INTS14: variants seen among roughly 807,000 people sequenced by gnomAD.
INTS14 encodes UPF0464 protein C15orf44.
INTS14 carries 27 observed loss-of-function variants against 56.9 expected under a neutral mutation model. That is an observed-to-expected ratio of 0.47 (90% CI 0.35 to 0.65). The LOEUF (loss-of-function observed/expected upper bound fraction) is 0.65. INTS14 is among the 30% of genes least tolerant of loss of function. The probability of loss-of-function intolerance (pLI) is 0.00; values close to 1 mark genes in which losing one functional copy is unlikely to be tolerated. For missense variants in INTS14, 517 were observed against 632.2 expected, an observed-to-expected ratio of 0.82 and a Z score of 1.95; for synonymous variants, 207 against 236.2, an observed-to-expected ratio of 0.88 and a Z score of 1.13.
intron 9 of INTS14, among the ~76,000 whole-genome samples, chr15:65,588,196 C>T (rs943490292): frequency 5.3e-5 from 8 of 151,578 alleles, no homozygotes; most frequent in African/African-American, 7.3e-5. Flanking sequence ...GGCTGAGGCA[C>T]GAGAATTGCT....
intron 2 of INTS14, 79 bp downstream of exon 2, chr15:65,607,080 A>C: frequency 6.6e-7 from 1 of 1,513,102 alleles, no homozygotes; most frequent in African/African-American, 1.4e-5. Flanking sequence ...AAAGTTCTAA[A>C]TATTCAACGC....
chr15:65,598,315 A>AG lies in INTS14; in HGVS notation c.748+5dup. 1 of 1,606,994 alleles carries AG rather than the reference A, an allele frequency of 6.2e-7. No individual in the cohort carries two copies. The highest frequency in any genetic ancestry group is 8.5e-7 in the Non-Finnish European group (1 of 1,177,974). On this transcript the variant is annotated splice_donor_region_variant and intron_variant, in intron 6 of 11. Coordinates refer to ENST00000313182, the MANE Select transcript of INTS14 (RefSeq NM_001394796.1). The stretch of plus-strand genomic sequence containing the variant: ...AACTAAGAAATAAGTTTTTTTAAAA[A>AG]GTTACCTGTGTTAATGACTTTAGGG...
intron 9 of INTS14, among the ~76,000 whole-genome samples, chr15:65,587,888 G>A (rs1435278665): frequency 1.3e-5 from 2 of 152,098 alleles, no homozygotes; most frequent in Non-Finnish European, 2.9e-5. Context: ...AGGTTGAGGT[G>A]GGAGGATCAC....
intron 6 of INTS14, among the ~76,000 whole-genome samples, chr15:65,597,947 G>A: frequency 6.6e-6 from 1 of 152,088 alleles, no homozygotes; most frequent in East Asian, 1.9e-4. Context: ...CCAAAGTGCT[G>A]ATGACAACAG....
chr15:65,599,036 C>T, intron 4 of INTS14, 46 bp from the exon 5 acceptor site: 1 of 1,401,282 alleles, frequency 7.1e-7, no homozygotes, highest in Non-Finnish European at 9.9e-7. Flanking sequence ...GCACAAAATG[C>T]CAGATTATTC....
chr15:65,610,944 C>G, intron 1 of INTS14, 154 bp downstream of exon 1: 1 of 1,469,592 alleles, frequency 6.8e-7, no homozygotes. Flanking sequence ...GAGCAGCGCC[C>G]CGGAACTGGC....
At chr15:65,584,022 G>GTA (rs916989449) in intron 10 of INTS14, among the ~76,000 whole-genome samples, 1 of 152,146 alleles carries the variant, frequency 6.6e-6, no homozygotes, top group African/African-American at 2.4e-5. Flanking sequence ...AAGAACAAAT[G>GTA]TAAATAAAGG....
At chr15:65,598,160 G>A (rs1449549237) in intron 6 of INTS14, among the ~76,000 whole-genome samples, 161 bp downstream of exon 6, 1 of 152,126 alleles carries the variant, frequency 6.6e-6, no homozygotes, top group Non-Finnish European at 1.5e-5. Context: ...GAAATCTAAA[G>A]CACCTCTGTT....
intron 6 of INTS14, among the ~76,000 whole-genome samples, chr15:65,596,115 C>G (rs956032523): frequency 2.0e-5 from 3 of 152,082 alleles, no homozygotes; most frequent in Non-Finnish European, 4.4e-5. Flanking sequence ...AGGTCTAATC[C>G]CTCTGTGTAG....
intron 8 of INTS14, among the ~76,000 whole-genome samples, chr15:65,592,831 T>G (rs2073076821): frequency 6.6e-6 from 1 of 152,148 alleles, no homozygotes; most frequent in Non-Finnish European, 1.5e-5. Flanking sequence ...GTAGCATTGC[T>G]ATAACCAGAA....
chr15:65,579,576 T>C lies in INTS14; in HGVS notation c.1389A>G (p.Glu463=), dbSNP rs766589925. ...LKGVADMLER[E]CTLLPETAHP... is the part of the protein sequence containing the mutation. Reference sequence around the variant, plus strand: ...GGGCTGTCTCAGGCAGCAGTGTGCATTCCCTTTCCAGCATGTCAGCCACCC... The same window carrying C: ...GGGCTGTCTCAGGCAGCAGTGTGCACTCCCTTTCCAGCATGTCAGCCACCC... The change falls in exon 12 of 12, where the codon GAA becomes GAG. Residue 463 remains glutamate (E), a synonymous_variant. Transcript: ENST00000313182. 2 of 1,614,152 alleles carry C rather than the reference T, an allele frequency of 1.2e-6. No homozygotes were observed. Among genetic ancestry groups the C allele is most frequent in the East Asian group, 2.2e-5 (1 of 44,870 alleles).
At position 65,579,412 on chromosome 15, in the gene INTS14, A is replaced by C. The variant is rs1278334978; in HGVS notation, c.1553T>G (p.Ile518Ser). Residue 518 changes from isoleucine to serine, a missense_variant, in exon 12 of 12, where the codon ATT (isoleucine) becomes AGT (serine). Coordinates refer to ENST00000313182, the MANE Select transcript of INTS14 (RefSeq NM_001394796.1). ...TDFSGSSTER[I>S] Reference sequence around the variant, plus strand: ...GGAAAGCTCCAAAAGTCAGTTTCAAATTCTTTCAGTGCTGCTCCCAGAGAA... The same window carrying C: ...GGAAAGCTCCAAAAGTCAGTTTCAACTTCTTTCAGTGCTGCTCCCAGAGAA... The C allele has an allele frequency of 3.1e-6, 5 of 1,605,110 alleles. No homozygotes were observed. Among genetic ancestry groups the C allele is most frequent in the African/African-American group, 1.3e-5 (1 of 74,694 alleles).
At position 65,601,940 on chromosome 15, in the gene INTS14, G is replaced by A. The variant is rs532714669; in HGVS notation, c.331-2011C>T. ...TGTCTAAAACCTTGGTTAAGGCTGGGTGTGGTGGCTGACAGCTGTAATCCC... is the reference window on the plus strand; with the variant it reads ...TGTCTAAAACCTTGGTTAAGGCTGGATGTGGTGGCTGACAGCTGTAATCCC... On this transcript the variant is annotated intron_variant, in intron 3 of 11. Transcript: ENST00000313182. Among the ~76,000 whole-genome samples, 99 of 152,310 alleles carry A rather than the reference G, an allele frequency of 6.5e-4. 2 individuals carry two copies. In the South Asian group the frequency reaches 0.02, roughly 30 times the overall value.
chr15:65,581,678 T>C (rs2072626237), intron 11 of INTS14, among the ~76,000 whole-genome samples: 1 of 151,852 alleles, frequency 6.6e-6, no homozygotes, highest in Non-Finnish European at 1.5e-5. Context: ...TTCAGGGCTA[T>C]GACCCACAGG....
At chr15:65,586,254 T>G (rs1423293939) in intron 9 of INTS14, among the ~76,000 whole-genome samples, 1 of 152,232 alleles carries the variant, frequency 6.6e-6, no homozygotes, top group Non-Finnish European at 1.5e-5. Flanking sequence ...AACTTCTCTC[T>G]TTATAGCAAC....
In INTS14 at chr15:65,605,153, T is replaced by C; in HGVS notation, c.306A>G (p.Glu102=). 1 of 1,614,116 alleles carries C rather than the reference T, an allele frequency of 6.2e-7. No individual in the cohort carries two copies. The highest frequency in any genetic ancestry group is 8.5e-7 in the Non-Finnish European group (1 of 1,179,960). The change falls in exon 3 of 12, where the codon GAA becomes GAG. Residue 102 remains glutamate (E), a synonymous_variant. Transcript: ENST00000313182. ...CCTGGCAAGGAATTGCACCACCCCA[T>C]TCTTGCTGAACGATATTGCAAACAC... ...LVGVCNIVQQ[E]WGGAIPCQVV... is the part of the protein sequence containing the mutation.
chr15:65,595,643 T>G (rs2073184409), intron 7 of INTS14, 90 bp downstream of exon 7: 3 of 1,022,906 alleles, frequency 2.9e-6, no homozygotes, highest in Non-Finnish European at 4.4e-6. Context: ...TCCCCTAAAT[T>G]CTGCAAAATG....
At chr15:65,596,962 T>A (rs2073237129) in intron 6 of INTS14, among the ~76,000 whole-genome samples, 1 of 152,202 alleles carries the variant, frequency 6.6e-6, no homozygotes, top group Non-Finnish European at 1.5e-5. Context: ...AGCTAGATAT[T>A]TTTCATTTGA....
chr15:65,608,364 C>CA (rs35399300), intron 1 of INTS14, among the ~76,000 whole-genome samples: 7,867 of 62,518 alleles, frequency 0.13, 415 homozygotes, highest in African/African-American at 0.16. Flanking sequence ...GGCTCCATCT[C>CA]AAAAAAAAAA....
Sources: gnomAD v4.1 joint callset for allele counts (sites outside exome capture counted in the v4.1 genomes callset) on GRCh38, gnomAD v4.1.1 for gene constraint, MANE v1.5 for transcripts, NCBI Gene and HGNC (gene_info 2026-07-23, HGNC 2026-07-21) for gene names.